The following COL21A1 variants were observed in gnomAD, a reference collection of about 807,000 sequenced individuals.
COL21A1 encodes the protein collagen alpha-1(XXI) chain.
Under a neutral mutation model 137.9 loss-of-function variants are expected in COL21A1, and 149 were observed. The ratio of observed to expected loss-of-function variants is 1.08; its 90% confidence interval spans 0.95 to 1.24. The LOEUF (loss-of-function observed/expected upper bound fraction) is 1.24. Among genes scored for constraint, COL21A1 ranks in the 50% most tolerant of loss-of-function variants. The pLI, the probability that COL21A1 is intolerant of heterozygous loss-of-function variation, is 0.00. For missense variants in COL21A1, 1,167 were observed against 1,158.4 expected (o/e 1.01, Z -0.11); for synonymous variants, 456 against 391.5 (o/e 1.16, Z -1.95).
At chr6:56,300,227 T>C (rs924162029) in intron 1 of COL21A1, among the ~76,000 whole-genome samples, 1 of 152,116 alleles carries the variant, frequency 6.6e-6, no homozygotes, top group Non-Finnish European at 1.5e-5. Context: ...GATATTTTTA[T>C]GGGATTTGCT....
chr6:56,146,349 C>T (rs1481915248), intron 10 of COL21A1, among the ~76,000 whole-genome samples: 2 of 152,096 alleles, frequency 1.3e-5, no homozygotes, highest in East Asian at 3.8e-4. Flanking sequence ...ACTGTGGAAT[C>T]TTCTAGTTGT....
upstream of COL21A1, among the ~76,000 whole-genome samples, chr6:56,250,300 A>G (rs1237487980): frequency 6.6e-6 from 1 of 152,242 alleles, no homozygotes; most frequent in Non-Finnish European, 1.5e-5. Flanking sequence ...GAGAGACTGT[A>G]TGGATGGGTT....
intron 1 of COL21A1, among the ~76,000 whole-genome samples, chr6:56,305,503 T>G (rs1227615842): frequency 2.0e-5 from 3 of 152,170 alleles, no homozygotes; most frequent in Non-Finnish European, 4.4e-5. Context: ...TTCTTTATCT[T>G]TTTTGATCTT....
chr6:56,060,370 CT>C, intron 27 of COL21A1, 152 bp from the exon 28 acceptor site: 1 of 688,118 alleles, frequency 1.5e-6, no homozygotes. Flanking sequence ...AGGAATTTGA[CT>C]ATGGAAATAT....
chr6:56,378,734 C>T (rs747596029), intron 1 of COL21A1, among the ~76,000 whole-genome samples: 4 of 152,212 alleles, frequency 2.6e-5, no homozygotes, highest in Non-Finnish European at 5.9e-5. Context: ...AGCGAACATA[C>T]GCAATAGCCA....
intron 6 of COL21A1, 75 bp downstream of exon 6, chr6:56,168,049 G>T: frequency 1.0e-6 from 1 of 998,018 alleles, no homozygotes; most frequent in Non-Finnish European, 1.4e-6. Flanking sequence ...ATGATTAAAT[G>T]TGGTGAAAAC....
At chr6:56,201,806 G>A (rs1779426796) in intron 1 of COL21A1, among the ~76,000 whole-genome samples, 1 of 152,020 alleles carries the variant, frequency 6.6e-6, no homozygotes, top group African/African-American at 2.4e-5. Context: ...TTTTTAAAAT[G>A]ACAATAAATG....
At chr6:56,164,895 A>C (rs934211409) in intron 7 of COL21A1, 73 bp from the exon 8 acceptor site, 1 of 1,123,996 alleles carries the variant, frequency 8.9e-7, no homozygotes, top group Non-Finnish European at 1.3e-6. Context: ...TAATTTACAG[A>C]TATTTCACCA....
rs372920341 is a variant in COL21A1 at position 56,179,863 on chromosome 6, C to T, written c.355G>A (p.Ala119Thr). 1 of 1,613,960 alleles carries T rather than the reference C, an allele frequency of 6.2e-7. No homozygotes were observed. The highest frequency in any genetic ancestry group is 8.5e-7 in the Non-Finnish European group (1 of 1,179,866). The change falls in exon 3 of 30, where the codon GCC becomes ACC. Residue 119 changes from alanine (A) to threonine (T), a missense_variant. By Grantham distance (58) the Ala-to-Thr change is moderately conservative. Transcript: ENST00000244728. ...YLGGNTKTGKAIQFALDYLFA... is the reference protein window; with the variant it reads ...YLGGNTKTGKTIQFALDYLFA... ...AGGTAATCGAGCGCAAACTGGATGG[C>T]CTTCCCTGTCTTTGTGTTTCCTCCT...
intron 12 of COL21A1, among the ~76,000 whole-genome samples, chr6:56,135,994 A>C (rs1057095311): frequency 6.6e-6 from 1 of 152,214 alleles, no homozygotes; most frequent in African/African-American, 2.4e-5. Flanking sequence ...ATTTACTCAT[A>C]TCCAGATTCC....
chr6:56,284,340 C>T (rs1250990553), intron 1 of COL21A1, among the ~76,000 whole-genome samples: 1 of 152,178 alleles, frequency 6.6e-6, no homozygotes, highest in Non-Finnish European at 1.5e-5. Context: ...AGGTGTGAGC[C>T]ACAGCACCTG....
At chr6:56,093,193 T>A (rs968113982) in intron 17 of COL21A1, among the ~76,000 whole-genome samples, 3 of 152,108 alleles carry the variant, frequency 2.0e-5, no homozygotes, top group African/African-American at 7.2e-5. Context: ...AGCTGATGTC[T>A]CGGGGAAGGG....
intron 1 of COL21A1, among the ~76,000 whole-genome samples, chr6:56,342,597 A>G (rs747912262): frequency 6.6e-5 from 10 of 152,168 alleles, no homozygotes; most frequent in Non-Finnish European, 1.0e-4. Context: ...CATCGACTAT[A>G]TATGTCATTT....
intron 10 of COL21A1, among the ~76,000 whole-genome samples, chr6:56,146,628 G>A (rs1205802510): frequency 6.6e-6 from 1 of 152,014 alleles, no homozygotes; most frequent in South Asian, 2.1e-4. Flanking sequence ...TAAGAGACAA[G>A]GGAATACTAA....
chr6:56,082,818 A>G (rs1247263869), intron 17 of COL21A1, among the ~76,000 whole-genome samples: 1 of 151,916 alleles, frequency 6.6e-6, no homozygotes, highest in Non-Finnish European at 1.5e-5. Flanking sequence ...ATAACTAGGT[A>G]TTTAAAATTG....
intron 17 of COL21A1, among the ~76,000 whole-genome samples, chr6:56,078,972 A>C (rs1224461037): frequency 6.6e-6 from 1 of 151,740 alleles, no homozygotes; most frequent in Non-Finnish European, 1.5e-5. Flanking sequence ...GTAAAAGTAA[A>C]ATCACTGAGT....
chr6:56,330,226 T>G (rs541386580), intron 1 of COL21A1, among the ~76,000 whole-genome samples: 1 of 152,174 alleles, frequency 6.6e-6, no homozygotes, highest in East Asian at 1.9e-4. Context: ...ATTTGAAAAT[T>G]TGGAAATTAT....
At chr6:56,372,508 C>G (rs1396836367) in intron 1 of COL21A1, among the ~76,000 whole-genome samples, 1 of 152,098 alleles carries the variant, frequency 6.6e-6, no homozygotes, top group African/African-American at 2.4e-5. Context: ...AATAAAGAAG[C>G]AAGAATATGA....
In COL21A1 at chr6:56,125,634, T is replaced by A. The variant is rs779803636; in HGVS notation, c.1597-14A>T. 2 of 1,498,432 alleles carry A rather than the reference T, an allele frequency of 1.3e-6. No individual in the cohort carries two copies. Among genetic ancestry groups the A allele is most frequent in the East Asian group, 4.7e-5 (2 of 42,896 alleles). The allele number at this position is 1,498,432 out of a possible 1,614,324, so 92.8% of individuals were successfully genotyped here. On this transcript the variant is annotated splice_polypyrimidine_tract_variant and intron_variant, in intron 13 of 29. Transcript: ENST00000244728. Reference sequence around the variant, plus strand: ...ACCCATTTCACCCTAAAAGACAAAATATAAATAGTGAATATTTAAGAAATA... The same window carrying A: ...ACCCATTTCACCCTAAAAGACAAAAAATAAATAGTGAATATTTAAGAAATA...
Sources: allele counts gnomAD v4.1 joint callset (sites outside exome capture counted in the v4.1 genomes callset), GRCh38; gene constraint gnomAD v4.1.1; transcripts MANE v1.5; gene names NCBI Gene and HGNC (gene_info 2026-07-23, HGNC 2026-07-21).